PADI6: variants seen among roughly 807,000 people sequenced by gnomAD.
The protein encoded by PADI6 is inactive protein-arginine deiminase type-6.
A neutral mutation model predicts 78.2 loss-of-function variants in PADI6; 66 were observed. That is an observed-to-expected ratio of 0.84 (90% CI 0.69 to 1.04). The LOEUF is 1.04. Ranked by LOEUF, PADI6 falls within the 50% of genes least tolerant of loss-of-function variation. The pLI, the probability that PADI6 is intolerant of heterozygous loss-of-function variation, is 0.00. For synonymous variants in PADI6, 397 were observed against 346.9 expected (o/e 1.14, Z -1.60); for missense variants, 854 against 866.1 (o/e 0.99, Z 0.18).
chr1:17,394,259 C>A, intron 10 of PADI6, 41 bp from the exon 11 acceptor site: 1 of 1,604,300 alleles, frequency 6.2e-7, no homozygotes, highest in Non-Finnish European at 8.5e-7. Context: ...CTAAAGCCAT[C>A]CCCTACTAAC....
chr1:17,387,198 C>G (rs10158844), intron 6 of PADI6, among the ~76,000 whole-genome samples: 3,197 of 152,180 alleles, frequency 0.021, 128 homozygotes, highest in African/African-American at 0.073. Context: ...AATCCTAGCA[C>G]TTTGGGAGGC....
chr1:17,378,572 G>C (rs2075040648), intron 3 of PADI6, among the ~76,000 whole-genome samples: 1 of 152,132 alleles, frequency 6.6e-6, no homozygotes, highest in Admixed American at 6.6e-5. Flanking sequence ...GACAGTACCT[G>C]GGCAAAAGCC....
intron 6 of PADI6, among the ~76,000 whole-genome samples, chr1:17,383,541 T>C (rs1236413944): frequency 2.0e-5 from 3 of 152,216 alleles, no homozygotes; most frequent in Admixed American, 6.5e-5. Context: ...GAACTACCGG[T>C]TTCTTTATTG....
At chr1:17,399,166 T>C (rs1173349199) in intron 15 of PADI6, among the ~76,000 whole-genome samples, 4 of 152,172 alleles carry the variant, frequency 2.6e-5, no homozygotes, top group African/African-American at 9.6e-5. Flanking sequence ...TGGGGTGCTA[T>C]GCAACCCAGA....
intron 3 of PADI6, among the ~76,000 whole-genome samples, chr1:17,376,278 ATC>A (rs34944809): frequency 0.062 from 9,269 of 149,212 alleles, 642 homozygotes; most frequent in African/African-American, 0.17. Flanking sequence ...TGGCCATATC[ATC>A]TCTCTTAAAC....
intron 6 of PADI6, 42 bp from the exon 7 acceptor site, chr1:17,388,339 A>G: frequency 6.5e-7 from 1 of 1,540,726 alleles, no homozygotes; most frequent in African/African-American, 1.4e-5. Flanking sequence ...GACCGGCACC[A>G]GGTTACTTCA....
At chr1:17,397,038 A>G (rs1158453008) in intron 13 of PADI6, 33 bp from the exon 14 acceptor site, 5 of 1,606,814 alleles carry the variant, frequency 3.1e-6, no homozygotes, top group Middle Eastern at 1.7e-4. Flanking sequence ...CCATTCCCTG[A>G]CCAGCAGGCC....
intron 2 of PADI6, 77 bp from the exon 3 acceptor site, chr1:17,375,350 C>T (rs1232030807): frequency 1.1e-5 from 15 of 1,349,344 alleles, no homozygotes; most frequent in East Asian, 9.9e-5. Context: ...CGCCTAGACT[C>T]GGCACATGGC....
chr1:17,398,945 G>C, intron 15 of PADI6, 98 bp downstream of exon 15: 1 of 1,328,268 alleles, frequency 7.5e-7, no homozygotes, highest in Non-Finnish European at 1.0e-6. Flanking sequence ...GTGGACAGCA[G>C]ATAACGGTAC....
At position 17,372,328 on chromosome 1, in the gene PADI6, T is replaced by C. The variant is rs751098081; in HGVS notation, c.83T>C (p.Val28Ala). ...SLDSPVHAVC[V>A]LGTEICLDLS... ...GACAGCCCTGTCCATGCCGTTTGTGTGTTGGGCACAGAAATCTGCTTGGAT... is the reference window on the plus strand; with the variant it reads ...GACAGCCCTGTCCATGCCGTTTGTGCGTTGGGCACAGAAATCTGCTTGGAT... Residue 28 changes from valine (V) to alanine (A), a missense_variant, in exon 1 of 16, where the codon GTG becomes GCG. Val to Ala is a moderately conservative substitution (Grantham distance 64, BLOSUM62 0). Coordinates refer to ENST00000619609, the MANE Select transcript of PADI6 (RefSeq NM_207421.4). 1 of 1,613,906 alleles carries C rather than the reference T, an allele frequency of 6.2e-7. No homozygotes were observed. The highest frequency in any genetic ancestry group is 2.2e-5 in the East Asian group (1 of 44,844).
At chr1:17,400,802 C>T (rs1330808880) in intron 15 of PADI6, among the ~76,000 whole-genome samples, 2 of 152,152 alleles carry the variant, frequency 1.3e-5, no homozygotes, top group African/African-American at 4.8e-5. Flanking sequence ...CTAACTTGAT[C>T]AGCTCAGTGT....
intron 1 of PADI6, among the ~76,000 whole-genome samples, chr1:17,372,696 G>A (rs944313726): frequency 6.6e-6 from 1 of 152,186 alleles, no homozygotes; most frequent in Non-Finnish European, 1.5e-5. Context: ...GGAGCCTGCA[G>A]GTGGAGGTGA....
intron 13 of PADI6, among the ~76,000 whole-genome samples, chr1:17,396,028 A>G (rs995419288): frequency 5.3e-5 from 8 of 152,156 alleles, no homozygotes; most frequent in Non-Finnish European, 1.2e-4. Context: ...GGTTACATTA[A>G]GGAAACACAC....
intron 4 of PADI6, among the ~76,000 whole-genome samples, chr1:17,380,607 G>A (rs1271059163): frequency 6.6e-6 from 1 of 152,126 alleles, no homozygotes; most frequent in East Asian, 1.9e-4. Context: ...CTGATCTCCA[G>A]TGGTCCACCT....
chr1:17,394,242 C>T (rs2075222823), intron 10 of PADI6, 58 bp from the exon 11 acceptor site: 2 of 1,594,310 alleles, frequency 1.3e-6, no homozygotes, highest in African/African-American at 2.7e-5. Flanking sequence ...AGGGATAAGA[C>T]TGGGGCCTAA....
rs1390946818 is a variant in PADI6, at chr1:17,401,207, G to A, written c.1854G>A (p.Leu618=). 20 of 1,613,720 alleles carry A rather than the reference G, an allele frequency of 1.2e-5. No individual in the cohort carries two copies. The highest frequency in any genetic ancestry group is 1.7e-5 in the Non-Finnish European group (20 of 1,179,802). ...CACCCACCCTGTCTTTCTAACAGTTGCGGATGATTGTGATGGGCAAGAACC... is the reference window on the plus strand; with the variant it reads ...CACCCACCCTGTCTTTCTAACAGTTACGGATGATTGTGATGGGCAAGAACC... ...SFARPYFPDL[L]RMIVMGKNLG... Residue 618 remains leucine (L), a splice_region_variant and synonymous_variant, in exon 16 of 16, where the codon TTG becomes TTA. Transcript: ENST00000619609.
chr1:17,384,487 C>A (rs2075102167), intron 6 of PADI6, among the ~76,000 whole-genome samples: 1 of 143,716 alleles, frequency 7.0e-6, no homozygotes, highest in South Asian at 2.3e-4. Context: ...TGCCTTAATC[C>A]CAGCACTTTG....
At chr1:17,377,412 CCA>C (rs1216980930) in intron 3 of PADI6, among the ~76,000 whole-genome samples, 1 of 152,190 alleles carries the variant, frequency 6.6e-6, no homozygotes. Context: ...CCCGCTGCTT[CCA>C]GTCAGTGAAG....
At chr1:17,394,269 C>T in intron 10 of PADI6, 31 bp from the exon 11 acceptor site, 7 of 1,607,612 alleles carry the variant, frequency 4.4e-6, no homozygotes, top group Non-Finnish European at 6.0e-6. Context: ...CCCCTACTAA[C>T]ACCCCTTCCC....
Sources: allele counts gnomAD v4.1 joint callset (sites outside exome capture counted in the v4.1 genomes callset), GRCh38; gene constraint gnomAD v4.1.1; transcripts MANE v1.5; gene names NCBI Gene and HGNC (gene_info 2026-07-23, HGNC 2026-07-21).